The following MAP3K1 variants were observed in gnomAD, a reference collection of about 807,000 sequenced individuals.
MAP3K1 encodes the protein MAP/ERK kinase kinase 1.
MAP3K1 carries 36 observed loss-of-function variants against 144.2 expected under a neutral mutation model. The ratio of observed to expected loss-of-function variants is 0.25; its 90% CI spans 0.19 to 0.33. The LOEUF (loss-of-function observed/expected upper bound fraction) is 0.33. Among genes scored for constraint, MAP3K1 ranks in the 10% least tolerant of loss-of-function variants. The pLI, the probability that MAP3K1 is intolerant of heterozygous loss-of-function variation, is 1.00. For synonymous variants in MAP3K1, 718 were observed against 688.7 expected, an observed-to-expected ratio of 1.04 and a Z score of -0.67; for missense variants, 1,650 against 1,881.9, an observed-to-expected ratio of 0.88 and a Z score of 2.28.
chr5:56,816,142 C>T (rs1271409303), intron 1 of MAP3K1, 87 bp downstream of exon 1: 6 of 1,134,892 alleles, frequency 5.3e-6, no homozygotes, highest in East Asian at 3.9e-5. Flanking sequence ...CACGGCGTCC[C>T]GGGGTTCAGC....
intron 1 of MAP3K1, among the ~76,000 whole-genome samples, chr5:56,816,397 G>A (rs1745969815): frequency 6.6e-6 from 1 of 152,030 alleles, no homozygotes; most frequent in Admixed American, 6.5e-5. Context: ...GAGGAGCCCG[G>A]GGGCGGGGCA....
chr5:56,841,590 A>G (rs545945836), intron 1 of MAP3K1, among the ~76,000 whole-genome samples: 1 of 152,240 alleles, frequency 6.6e-6, no homozygotes, highest in Admixed American at 6.5e-5. Context: ...TTTGGGAAGT[A>G]CTCTCCAGAT....
At chr5:56,826,558 A>G (rs1164490397) in intron 1 of MAP3K1, among the ~76,000 whole-genome samples, 1 of 152,248 alleles carries the variant, frequency 6.6e-6, no homozygotes, top group Non-Finnish European at 1.5e-5. Flanking sequence ...TTCACAGGTC[A>G]GACAACAGAT....
intron 17 of MAP3K1, among the ~76,000 whole-genome samples, chr5:56,886,602 A>G (rs990076303): frequency 5.3e-5 from 8 of 152,236 alleles, no homozygotes; most frequent in African/African-American, 1.9e-4. Flanking sequence ...GGCAGAAAGT[A>G]TACAACACAG....
In MAP3K1 at chr5:56,893,824, G is replaced by A. The variant is rs1343724527; in HGVS notation, c.*144G>A. ...CAGTGGGGAACCCTTACCTAAGTATGTGATTGACAAATCATGATCTGTACC... is the reference window on the plus strand; with the variant it reads ...CAGTGGGGAACCCTTACCTAAGTATATGATTGACAAATCATGATCTGTACC... On this transcript the variant is annotated 3_prime_UTR_variant, in exon 20 of 20. Transcript: ENST00000399503. 2 of 833,848 alleles carry A rather than the reference G, an allele frequency of 2.4e-6. No homozygotes were observed. The highest frequency in any genetic ancestry group is 3.9e-6 in the Non-Finnish European group (2 of 510,922). The allele number at this position is 833,848 out of a possible 1,614,324, so 51.7% of individuals were successfully genotyped here.
chr5:56,818,428 G>C (rs1746049915), intron 1 of MAP3K1, among the ~76,000 whole-genome samples: 1 of 151,948 alleles, frequency 6.6e-6, no homozygotes, highest in South Asian at 2.1e-4. Flanking sequence ...TGAAATATTT[G>C]AGAGTTCTGT....
intron 3 of MAP3K1, among the ~76,000 whole-genome samples, chr5:56,863,084 A>T (rs751277230): frequency 2.0e-5 from 3 of 152,176 alleles, no homozygotes; most frequent in Non-Finnish European, 4.4e-5. Flanking sequence ...ATAACTAGGG[A>T]CTTTGCATAA....
At chr5:56,820,332 C>A in intron 1 of MAP3K1, 3 of 646,892 alleles carry the variant, frequency 4.6e-6, no homozygotes, top group Non-Finnish European at 5.8e-6. Flanking sequence ...CCATTTCTTT[C>A]CACTACTCTG....
chr5:56,868,344 C>CA (rs559132693), intron 6 of MAP3K1, among the ~76,000 whole-genome samples: 119 of 149,950 alleles, frequency 7.9e-4, no homozygotes, highest in Admixed American at 1.9e-3. Flanking sequence ...TCTGAAACGT[C>CA]AAAAAAAAAT....
intron 1 of MAP3K1, among the ~76,000 whole-genome samples, chr5:56,843,529 T>G (rs930526988): frequency 1.1e-4 from 16 of 152,174 alleles, no homozygotes; most frequent in Non-Finnish European, 1.9e-4. Flanking sequence ...TACCAAGGTT[T>G]TTTGGTTTGG....
chr5:56,892,981 A>G (rs1343615096), intron 19 of MAP3K1, among the ~76,000 whole-genome samples: 1 of 151,842 alleles, frequency 6.6e-6, no homozygotes, highest in Non-Finnish European at 1.5e-5. Flanking sequence ...TTTTTTAAAA[A>G]AAAAGTATTC....
chr5:56,862,210 G>A (rs1747537808), intron 3 of MAP3K1: 1 of 152,190 alleles, frequency 6.6e-6, no homozygotes, highest in African/African-American at 2.4e-5. Flanking sequence ...AACACTTGGG[G>A]GGCTGTTGGC....
rs1436167658 is a variant in MAP3K1, at chr5:56,815,564, G to C, written c.-10G>C. 1 of 1,301,198 alleles carries C rather than the reference G, an allele frequency of 7.7e-7. No individual in the cohort carries two copies. Among genetic ancestry groups the C allele is most frequent in the Non-Finnish European group, 9.7e-7 (1 of 1,027,460 alleles). The allele number at this position is 1,301,198 out of a possible 1,614,324, so 80.6% of individuals were successfully genotyped here. A position where few individuals can be genotyped will look rare whatever the true frequency, so the allele number is the denominator to read the frequency against. Reference sequence around the variant, plus strand: ...CGCAGGGGCCGAGCGAATGTAGCCCGCGAGAGAAAATGGCGGCGGCGGCGG... The same window carrying C: ...CGCAGGGGCCGAGCGAATGTAGCCCCCGAGAGAAAATGGCGGCGGCGGCGG... On this transcript the variant is annotated 5_prime_UTR_variant, in exon 1 of 20. Transcript: ENST00000399503.
intron 9 of MAP3K1, among the ~76,000 whole-genome samples, chr5:56,873,752 A>G (rs1406691175): frequency 6.6e-6 from 1 of 152,238 alleles, no homozygotes; most frequent in Non-Finnish European, 1.5e-5. Flanking sequence ...TTGAGCTTAT[A>G]TATCATTAGG....
At chr5:56,839,219 C>T (rs80053539) in intron 1 of MAP3K1, among the ~76,000 whole-genome samples, 1,540 of 152,196 alleles carry the variant, frequency 0.01, 13 homozygotes, top group South Asian at 0.03. Context: ...CACCAGTATC[C>T]GAATTAAAGG....
chr5:56,860,272 G>A (rs1747466812), intron 3 of MAP3K1, among the ~76,000 whole-genome samples: 1 of 152,136 alleles, frequency 6.6e-6, no homozygotes, highest in South Asian at 2.1e-4. Flanking sequence ...TAATGCCTTT[G>A]ACAAGGAAAT....
rs954022896 is a variant in MAP3K1 at position 56,881,326 on chromosome 5, C to G, written c.2369+54C>G. ...TGTATCTTCCTACCCTCCCTACACC[C>G]TCCTCAAGAATGACACATTTTAGAT... On this transcript the variant is annotated intron_variant, in intron 13 of 19. Coordinates refer to ENST00000399503, the MANE Select transcript of MAP3K1 (RefSeq NM_005921.2). 5 of 1,436,112 alleles carry G rather than the reference C, an allele frequency of 3.5e-6. No homozygotes were observed. The African/African-American group carries it at 7.0e-5, about 20-fold the overall frequency. The allele number at this position is 1,436,112 out of a possible 1,614,324, so 89.0% of individuals were successfully genotyped here. A position where few individuals can be genotyped will look rare whatever the true frequency, so the allele number is the denominator to read the frequency against.
Position 56,879,033 on chromosome 5 carries a change from A to G in MAP3K1, c.2019A>G (p.Arg673=). The G allele has an allele frequency of 6.2e-7, 1 of 1,614,004 alleles. No homozygotes were observed. Among genetic ancestry groups the G allele is most frequent in the African/African-American group, 1.3e-5 (1 of 75,038 alleles). ...CTCCTTGCCACAGTTTAGCGGAAAG[A>G]ATCAAACTTCAGAGACTTCTCCAGC... ...VYTPCHSLAE[R]IKLQRLLQPV... is the part of the protein sequence containing the mutation. The change falls in exon 11 of 20, where the codon AGA becomes AGG. Residue 673 remains arginine, a synonymous_variant. Coordinates refer to ENST00000399503, the MANE Select transcript of MAP3K1 (RefSeq NM_005921.2).
At chr5:56,840,194 C>CCGGA (rs1427839440) in intron 1 of MAP3K1, among the ~76,000 whole-genome samples, 1 of 152,190 alleles carries the variant, frequency 6.6e-6, no homozygotes, top group Non-Finnish European at 1.5e-5. Context: ...GTCACCCAGG[C>CCGGA]CGGAGTACAG....
Sources: allele counts gnomAD v4.1 joint callset (sites outside exome capture counted in the v4.1 genomes callset), GRCh38; gene constraint gnomAD v4.1.1; transcripts MANE v1.5; gene names NCBI Gene and HGNC (gene_info 2026-07-23, HGNC 2026-07-21).